Variants in AUTS2 observed in about 807,000 individuals in gnomAD.
AUTS2 encodes the protein activator of transcription and developmental regulator AUTS2.
In AUTS2, 17 loss-of-function variants were observed where a neutral mutation model predicts 112.4. The observed-to-expected ratio is 0.15, with a 90% confidence interval of 0.10 to 0.23. The LOEUF (loss-of-function observed/expected upper bound fraction) is 0.23, where lower values mean the gene tolerates loss of function less well. Among genes scored for constraint, AUTS2 ranks in the 10% least tolerant of loss-of-function variants. The pLI, the probability that AUTS2 is intolerant of heterozygous loss-of-function variation, is 1.00. For missense variants in AUTS2, 1,510 were observed against 1,701.6 expected (o/e 0.89, Z 1.98); for synonymous variants, 751 against 702.7 (o/e 1.07, Z -1.09).
intron 5 of AUTS2, among the ~76,000 whole-genome samples, chr7:70,628,874 G>C (rs1374172587): frequency 1.3e-5 from 2 of 152,138 alleles, no homozygotes; most frequent in East Asian, 3.9e-4. Context: ...TGGGTAGATA[G>C]ATGGCGGTGT....
At chr7:69,848,873 C>T (rs897200080) in intron 1 of AUTS2, among the ~76,000 whole-genome samples, 5 of 152,052 alleles carry the variant, frequency 3.3e-5, no homozygotes, top group Admixed American at 6.5e-5. Context: ...CCCCGCCCCC[C>T]GCCACCACCT....
intron 1 of AUTS2, among the ~76,000 whole-genome samples, chr7:69,867,154 G>C (rs1422841210): frequency 6.6e-6 from 1 of 151,960 alleles, no homozygotes; most frequent in Non-Finnish European, 1.5e-5. Context: ...CATCTGCTTT[G>C]TTGTGAGCCA....
intron 1 of AUTS2, among the ~76,000 whole-genome samples, chr7:69,644,499 TAA>T (rs201217373): frequency 2.9e-5 from 4 of 139,560 alleles, no homozygotes; most frequent in Admixed American, 7.2e-5. Flanking sequence ...CATCTTGTCT[TAA>T]AAAAAAAAAA....
At chr7:69,727,205 A>G (rs1786558674) in intron 1 of AUTS2, among the ~76,000 whole-genome samples, 2 of 152,012 alleles carry the variant, frequency 1.3e-5, no homozygotes, top group African/African-American at 4.8e-5. Context: ...GTAGAGGTTC[A>G]TTTTCTCCAT....
chr7:70,515,185 G>A (rs1799366203), intron 5 of AUTS2, among the ~76,000 whole-genome samples: 1 of 152,148 alleles, frequency 6.6e-6, no homozygotes, highest in Non-Finnish European at 1.5e-5. Flanking sequence ...GGGAGCCGTT[G>A]AGGGTTATTA....
At chr7:69,820,366 A>C (rs1044651502) in intron 1 of AUTS2, among the ~76,000 whole-genome samples, 1 of 152,246 alleles carries the variant, frequency 6.6e-6, no homozygotes, top group African/African-American at 2.4e-5. Context: ...GTCCCCAGAC[A>C]AGGAGCACCC....
chr7:70,238,131 G>A (rs1204553805), intron 4 of AUTS2, among the ~76,000 whole-genome samples: 3 of 152,226 alleles, frequency 2.0e-5, no homozygotes, highest in Non-Finnish European at 2.9e-5. Flanking sequence ...GAGGCCTGAT[G>A]AGGGAATTTA....
chr7:69,799,656 A>G (rs527842031), intron 1 of AUTS2, among the ~76,000 whole-genome samples: 2 of 152,156 alleles, frequency 1.3e-5, no homozygotes, highest in Non-Finnish European at 2.9e-5. Context: ...AGGGACTATA[A>G]CCTGCATAAT....
intron 2 of AUTS2, among the ~76,000 whole-genome samples, chr7:70,067,155 C>T (rs923542554): frequency 6.6e-6 from 1 of 152,190 alleles, no homozygotes; most frequent in Admixed American, 6.5e-5. Context: ...TTTTGGATTA[C>T]AGCCTTTTAA....
chr7:69,948,505 A>G (rs1301363739), intron 2 of AUTS2, among the ~76,000 whole-genome samples: 1 of 152,162 alleles, frequency 6.6e-6, no homozygotes, highest in Non-Finnish European at 1.5e-5. Flanking sequence ...TGTATTACTT[A>G]TGCTTTAAAA....
chr7:70,209,528 T>C (rs1215101877), intron 4 of AUTS2, among the ~76,000 whole-genome samples: 3 of 151,990 alleles, frequency 2.0e-5, no homozygotes, highest in African/African-American at 4.8e-5. Context: ...GAAGAGAATA[T>C]AAATAAAGAA....
chr7:70,384,298 G>A (rs1793510929), intron 4 of AUTS2, among the ~76,000 whole-genome samples: 1 of 152,202 alleles, frequency 6.6e-6, no homozygotes, highest in South Asian at 2.1e-4. Context: ...CGCACTGACT[G>A]TTGTTTCAGC....
At chr7:69,970,633 A>G (rs942356568) in intron 2 of AUTS2, among the ~76,000 whole-genome samples, 2 of 152,144 alleles carry the variant, frequency 1.3e-5, no homozygotes, top group African/African-American at 4.8e-5. Context: ...AAACCCTGCT[A>G]GAGGTATCTT....
chr7:69,864,784 G>A (rs1285385793), intron 1 of AUTS2, among the ~76,000 whole-genome samples: 1 of 152,212 alleles, frequency 6.6e-6, no homozygotes, highest in Non-Finnish European at 1.5e-5. Flanking sequence ...CACTGACACT[G>A]TGATTTGTGT....
At chr7:69,744,886 C>A (rs916749493) in intron 1 of AUTS2, among the ~76,000 whole-genome samples, 4 of 152,082 alleles carry the variant, frequency 2.6e-5, no homozygotes, top group Non-Finnish European at 5.9e-5. Context: ...TACACAAAAG[C>A]ACTGTAAACA....
In AUTS2 at chr7:70,231,876, C is replaced by T. The variant is rs183773813; in HGVS notation, c.660+97305C>T. Among the ~76,000 whole-genome samples the T allele has an allele frequency of 2.9e-3, 442 of 151,958 alleles. 2 individuals carry two copies. Among genetic ancestry groups the T allele is most frequent in the Non-Finnish European group, 4.5e-3 (305 of 67,954 alleles). ...GCAACCTCCACCTCCCAAGTTCAAG[C>T]GATTCTCCTGCCTCAGCTTCCCGAG... is the stretch of plus-strand genomic sequence containing the variant. On this transcript the variant is annotated intron_variant, in intron 4 of 18. Coordinates refer to ENST00000342771, the MANE Select transcript of AUTS2 (RefSeq NM_015570.4).
intron 2 of AUTS2, among the ~76,000 whole-genome samples, chr7:70,052,625 C>G (rs1338692451): frequency 6.6e-6 from 1 of 152,166 alleles, no homozygotes; most frequent in Non-Finnish European, 1.5e-5. Context: ...TAGCCCTACT[C>G]ATAAAGTTGG....
At chr7:70,548,886 A>C (rs1201949877) in intron 5 of AUTS2, among the ~76,000 whole-genome samples, 5 of 150,558 alleles carry the variant, frequency 3.3e-5, no homozygotes, top group Non-Finnish European at 7.4e-5. Flanking sequence ...TGTCCTTTGC[A>C]TTTCCATATA....
chr7:69,667,022 G>A (rs373643135), intron 1 of AUTS2, among the ~76,000 whole-genome samples: 5 of 152,292 alleles, frequency 3.3e-5, no homozygotes, highest in African/African-American at 1.2e-4. Context: ...TCTTACAGTT[G>A]TTGGAGGCTG....
Sources: allele counts gnomAD v4.1 joint callset (sites outside exome capture counted in the v4.1 genomes callset), GRCh38; gene constraint gnomAD v4.1.1; transcripts MANE v1.5; gene names NCBI Gene and HGNC (gene_info 2026-07-23, HGNC 2026-07-21).